The following CNBD1 variants were observed in gnomAD, a reference collection of about 807,000 sequenced individuals.
CNBD1 encodes the protein cyclic nucleotide binding domain containing 1.
In CNBD1, 71 loss-of-function variants were observed where a neutral mutation model predicts 54.4. The observed-to-expected ratio is 1.30, with a 90% CI of 1.08 to 1.59. The LOEUF is 1.59. CNBD1 is among the 40% of genes most tolerant of loss of function. The probability of loss-of-function intolerance (pLI) is 0.00; values close to 1 mark genes in which losing one functional copy is unlikely to be tolerated. For missense variants in CNBD1, 659 were observed against 518.0 expected, an observed-to-expected ratio of 1.27 and a Z score of -2.64; for synonymous variants, 182 against 170.7, an observed-to-expected ratio of 1.07 and a Z score of -0.51.
chr8:86,957,558 G>A (rs1003837730), intron 4 of CNBD1, among the ~76,000 whole-genome samples: 1 of 152,146 alleles, frequency 6.6e-6, no homozygotes, highest in African/African-American at 2.4e-5. Flanking sequence ...TTAGTCTTGG[G>A]AGGGTGTATG....
intron 4 of CNBD1, among the ~76,000 whole-genome samples, chr8:87,066,219 CAA>C (rs1810650611): frequency 6.6e-6 from 1 of 151,902 alleles, no homozygotes; most frequent in Non-Finnish European, 1.5e-5. Context: ...TTATGTGAGA[CAA>C]CTAGTGATTT....
chr8:86,999,295 C>T (rs979287274), intron 4 of CNBD1, among the ~76,000 whole-genome samples: 1 of 152,196 alleles, frequency 6.6e-6, no homozygotes, highest in African/African-American at 2.4e-5. Context: ...GTGACCTGGA[C>T]TTGTCCTCTG....
chr8:87,363,674 A>G (rs1810571908), intron 10 of CNBD1, among the ~76,000 whole-genome samples: 1 of 151,730 alleles, frequency 6.6e-6, no homozygotes, highest in African/African-American at 2.4e-5. Context: ...GTCTGTTCAT[A>G]CTTTTCGCCC....
At chr8:87,199,119 C>T (rs892034791) in intron 4 of CNBD1, among the ~76,000 whole-genome samples, 6 of 152,144 alleles carry the variant, frequency 3.9e-5, no homozygotes, top group African/African-American at 9.7e-5. Context: ...GTGAGGAATC[C>T]ACTCCCAGGA....
intron 5 of CNBD1, among the ~76,000 whole-genome samples, chr8:87,228,402 T>C (rs1236690221): frequency 3.4e-5 from 5 of 148,986 alleles, no homozygotes; most frequent in Non-Finnish European, 4.4e-5. Context: ...ATGATGGTGA[T>C]GTACAGATGG....
At chr8:87,332,635 A>G (rs1243008164) in intron 8 of CNBD1, among the ~76,000 whole-genome samples, 1 of 152,222 alleles carries the variant, frequency 6.6e-6, no homozygotes, top group Middle Eastern at 3.4e-3. Context: ...ATTGTAGGGA[A>G]TCCTTTCCCC....
At chr8:86,943,606 GATT>G (rs1807391722) in intron 4 of CNBD1, among the ~76,000 whole-genome samples, 1 of 151,994 alleles carries the variant, frequency 6.6e-6, no homozygotes, top group Non-Finnish European at 1.5e-5. Flanking sequence ...ATAAAGGAGA[GATT>G]TGAGCAACCA....
intron 6 of CNBD1, among the ~76,000 whole-genome samples, chr8:87,244,742 T>C (rs1303051057): frequency 6.6e-6 from 1 of 152,110 alleles, no homozygotes; most frequent in Non-Finnish European, 1.5e-5. Flanking sequence ...ATGCGTAGTA[T>C]AAGTATGCTA....
chr8:87,355,759 C>A (rs907834574), intron 10 of CNBD1, among the ~76,000 whole-genome samples: 1 of 152,036 alleles, frequency 6.6e-6, no homozygotes, highest in Admixed American at 6.6e-5. Flanking sequence ...ATACTGTTAT[C>A]CTGAATTTCA....
chr8:87,037,025 A>G (rs2130603444), intron 4 of CNBD1, among the ~76,000 whole-genome samples: 1 of 152,328 alleles, frequency 6.6e-6, no homozygotes, highest in Middle Eastern at 3.4e-3. Flanking sequence ...ATTTCTCTGT[A>G]AACTTCTAGG....
At chr8:87,241,094 G>T (rs1807690992) in intron 6 of CNBD1, among the ~76,000 whole-genome samples, 1 of 152,046 alleles carries the variant, frequency 6.6e-6, no homozygotes, top group Non-Finnish European at 1.5e-5. Flanking sequence ...TCTAAAAATT[G>T]TCATGAAGCA....
chr8:86,951,035 C>G (rs1273487125), intron 4 of CNBD1, among the ~76,000 whole-genome samples: 1 of 152,012 alleles, frequency 6.6e-6, no homozygotes, highest in Non-Finnish European at 1.5e-5. Context: ...CCTTTTTCAT[C>G]CCTGATTAAA....
At chr8:87,239,324 T>A (rs1807642330) in intron 6 of CNBD1, among the ~76,000 whole-genome samples, 1 of 152,088 alleles carries the variant, frequency 6.6e-6, no homozygotes, top group Non-Finnish European at 1.5e-5. Flanking sequence ...AAATTATGAG[T>A]TTAGCTGGTG....
rs114629937 is a variant in CNBD1, at chr8:86,888,523, C to T, written c.158+912C>T. On this transcript the variant is annotated intron_variant, in intron 2 of 10. Transcript: ENST00000518476. ...ACTTTAGACTGCTTACTACATTTCTCTGCCTTGGTTTTTTCATTGGTAAAA... is the reference window on the plus strand; with the variant it reads ...ACTTTAGACTGCTTACTACATTTCTTTGCCTTGGTTTTTTCATTGGTAAAA... Among the ~76,000 whole-genome samples the T allele has an allele frequency of 6.0e-3, 908 of 152,236 alleles. 11 individuals carry two copies. Among genetic ancestry groups the T allele is most frequent in the African/African-American group, 0.02 (845 of 41,544 alleles).
chr8:87,019,984 A>G (rs1809449473), intron 4 of CNBD1, among the ~76,000 whole-genome samples: 1 of 152,220 alleles, frequency 6.6e-6, no homozygotes, highest in Non-Finnish European at 1.5e-5. Flanking sequence ...AAGGAAGGGA[A>G]ACACATTGTA....
intron 8 of CNBD1, among the ~76,000 whole-genome samples, chr8:87,330,231 C>CTTTTT (rs3055413): frequency 0.028 from 3,669 of 130,634 alleles, 164 homozygotes; most frequent in African/African-American, 0.097. Context: ...TTCCTTCTCT[C>CTTTTT]TTTTTTTTTT....
intron 2 of CNBD1, among the ~76,000 whole-genome samples, chr8:87,403,457 G>A (rs369510148): frequency 3.5e-4 from 53 of 151,868 alleles, no homozygotes; most frequent in East Asian, 1.6e-3. Context: ...TTCAATTTCC[G>A]CGTGCTACTC....
At chr8:87,227,366 C>T (rs1420472618) in intron 5 of CNBD1, among the ~76,000 whole-genome samples, 72 of 149,310 alleles carry the variant, frequency 4.8e-4, no homozygotes, top group Non-Finnish European at 8.0e-4. Context: ...CATGATTTTG[C>T]AGTGGCTGGT....
At chr8:87,014,398 A>G (rs1471462189) in intron 4 of CNBD1, among the ~76,000 whole-genome samples, 1 of 152,060 alleles carries the variant, frequency 6.6e-6, no homozygotes, top group Non-Finnish European at 1.5e-5. Context: ...CTTTGCTTGT[A>G]TATGCTTATA....
Sources: gnomAD v4.1 joint callset for allele counts (sites outside exome capture counted in the v4.1 genomes callset) on GRCh38, gnomAD v4.1.1 for gene constraint, MANE v1.5 for transcripts, NCBI Gene and HGNC (gene_info 2026-07-23, HGNC 2026-07-21) for gene names.